Variants in ENTREP2 observed in about 807,000 individuals in gnomAD.
ENTREP2 encodes the protein endosomal transmembrane epsin interactor 2.
the ENTREP2 span, among the ~76,000 whole-genome samples, chr15:29,358,074 C>T: frequency 6.6e-6 from 1 of 152,054 alleles, no homozygotes; most frequent in Admixed American, 6.6e-5. Flanking sequence ...ATTTCATGTC[C>T]AAGTGAGTGC....
the ENTREP2 span, among the ~76,000 whole-genome samples, chr15:29,474,714 C>G: frequency 1.6e-3 from 247 of 152,152 alleles, no homozygotes; most frequent in African/African-American, 5.7e-3. Context: ...ACCACCACTC[C>G]CAGCTAATTT....
At chr15:29,325,582 TAC>T in the ENTREP2 span, among the ~76,000 whole-genome samples, 1 of 152,138 alleles carries the variant, frequency 6.6e-6, no homozygotes, top group Admixed American at 6.5e-5. Flanking sequence ...GGTTTAAAGC[TAC>T]TAAAGAAACT....
chr15:29,665,885 GCT>G, the ENTREP2 span, among the ~76,000 whole-genome samples: 1 of 135,324 alleles, frequency 7.4e-6, no homozygotes, highest in South Asian at 2.3e-4. Flanking sequence ...CCAGAGTCTC[GCT>G]CTGTCTCCCA....
chr15:29,329,930 G>A, the ENTREP2 span, among the ~76,000 whole-genome samples: 3 of 152,266 alleles, frequency 2.0e-5, no homozygotes, highest in South Asian at 4.2e-4. Context: ...TAGATACTCC[G>A]CCCTCAGGGA....
chr15:29,312,251 A>C, the ENTREP2 span, among the ~76,000 whole-genome samples: 1 of 152,162 alleles, frequency 6.6e-6, no homozygotes, highest in South Asian at 2.1e-4. Context: ...ATGAAAGAAG[A>C]AGTTAAAATT....
the ENTREP2 span, among the ~76,000 whole-genome samples, chr15:29,130,492 G>A: frequency 6.6e-6 from 1 of 152,126 alleles, no homozygotes; most frequent in African/African-American, 2.4e-5. Context: ...TTTTCTTTTG[G>A]ATCGTAGACG....
the ENTREP2 span, among the ~76,000 whole-genome samples, chr15:29,315,720 A>G: frequency 6.6e-6 from 1 of 152,232 alleles, no homozygotes; most frequent in Non-Finnish European, 1.5e-5. Context: ...ACTTAACTAC[A>G]TAAAATACAA....
chr15:29,368,337 A>ATATATATAT, the ENTREP2 span, among the ~76,000 whole-genome samples: 24 of 146,186 alleles, frequency 1.6e-4, no homozygotes, highest in African/African-American at 4.1e-4. Context: ...CAAAAAAAAA[A>ATATATATAT]ATATATATAT....
the ENTREP2 span, among the ~76,000 whole-genome samples, chr15:29,347,135 A>G: frequency 6.6e-6 from 1 of 152,166 alleles, no homozygotes; most frequent in Admixed American, 6.5e-5. Context: ...TTCTTCTAAA[A>G]GAAGGAACCA....
At chr15:29,481,222 G>A in the ENTREP2 span, among the ~76,000 whole-genome samples, 4 of 152,138 alleles carry the variant, frequency 2.6e-5, no homozygotes, top group Non-Finnish European at 4.4e-5. Context: ...CTACCTATAC[G>A]GGCACTTCTC....
the ENTREP2 span, among the ~76,000 whole-genome samples, chr15:29,515,184 G>A: frequency 1.3e-5 from 2 of 152,200 alleles, no homozygotes; most frequent in South Asian, 4.1e-4. Flanking sequence ...CTGCGGAGCA[G>A]GACCCCCAGC....
the ENTREP2 span, among the ~76,000 whole-genome samples, chr15:29,370,573 C>T: frequency 2.0e-5 from 3 of 151,816 alleles, no homozygotes; most frequent in African/African-American, 7.3e-5. Context: ...AGACTGCAAC[C>T]GAGATCAAGT....
At chr15:29,649,246 C>T in the ENTREP2 span, among the ~76,000 whole-genome samples, 1 of 152,192 alleles carries the variant, frequency 6.6e-6, no homozygotes, top group East Asian at 1.9e-4. Flanking sequence ...AAAGTTAAGG[C>T]ACATAGTACA....
the ENTREP2 span, among the ~76,000 whole-genome samples, chr15:29,478,908 T>G: frequency 7.4e-6 from 1 of 135,804 alleles, no homozygotes. Context: ...TAAAAGTGTG[T>G]GGCAGGCCAG....
the ENTREP2 span, among the ~76,000 whole-genome samples, chr15:29,524,677 G>C: frequency 6.6e-6 from 1 of 152,218 alleles, no homozygotes; most frequent in Non-Finnish European, 1.5e-5. Flanking sequence ...GCAGCAATGG[G>C]CGCCTCGCTG....
chr15:29,313,854 T>C, the ENTREP2 span, among the ~76,000 whole-genome samples: 699 of 152,336 alleles, frequency 4.6e-3, 3 homozygotes, highest in Non-Finnish European at 7.6e-3. Context: ...CTGGAAAGGA[T>C]TCACCATTCT....
At chr15:29,432,326 C>T in the ENTREP2 span, among the ~76,000 whole-genome samples, 1 of 152,196 alleles carries the variant, frequency 6.6e-6, no homozygotes, top group Non-Finnish European at 1.5e-5. Context: ...CTGTCTGCCC[C>T]GCACGCCTGC....
At chr15:29,311,012 C>A in the ENTREP2 span, among the ~76,000 whole-genome samples, 1 of 151,430 alleles carries the variant, frequency 6.6e-6, no homozygotes, top group African/African-American at 2.4e-5. Context: ...GAGATCTCCA[C>A]AGTAATTTTG....
chr15:29,456,895 T>C, the ENTREP2 span, among the ~76,000 whole-genome samples: 1 of 152,110 alleles, frequency 6.6e-6, no homozygotes. Context: ...TATAAACAGG[T>C]ACACTATGCA....
Sources: allele counts gnomAD v4.1 joint callset (sites outside exome capture counted in the v4.1 genomes callset), GRCh38; gene constraint gnomAD v4.1.1; transcripts MANE v1.5; gene names NCBI Gene and HGNC (gene_info 2026-07-23, HGNC 2026-07-21).